The following KAZN variants were observed in gnomAD, a reference collection of about 807,000 sequenced individuals.
KAZN encodes kazrin.
A neutral mutation model predicts 87.4 loss-of-function variants in KAZN; 40 were observed. That is an observed-to-expected ratio of 0.46 (90% confidence interval 0.36 to 0.60). The LOEUF is 0.60. KAZN is among the 20% of genes least tolerant of loss of function. The probability of loss-of-function intolerance (pLI) is 0.00; values close to 1 mark genes in which losing one functional copy is unlikely to be tolerated. For synonymous variants in KAZN, 466 were observed against 458.3 expected (o/e 1.02, Z -0.22); for missense variants, 898 against 1,073.9 (o/e 0.84, Z 2.29).
Position 14,383,707 on chromosome 1 carries a change from T to C in KAZN, c.249+203115T>C, listed in dbSNP as rs188945869. Among the ~76,000 whole-genome samples the C allele has an allele frequency of 1.8e-3, 277 of 152,314 alleles. No individual in the cohort carries two copies. In the South Asian group the frequency reaches 0.02, roughly 11 times the overall value. On this transcript the variant is annotated intron_variant, in intron 2 of 16. Coordinates refer to the KAZN transcript ENST00000636203. ...TTTTGGTACCAGTACCATGCTGTTT[T>C]GGTTACTGTAGCCTTGTAGTATAGT...
chr1:14,168,717 G>C (rs145738971), intron 1 of KAZN, among the ~76,000 whole-genome samples: 1 of 152,306 alleles, frequency 6.6e-6, no homozygotes, highest in African/African-American at 2.4e-5. Flanking sequence ...GTCCAGCAGG[G>C]AGAACCAGAG....
intron 2 of KAZN, among the ~76,000 whole-genome samples, chr1:15,007,856 A>G (rs1254364190): frequency 1.3e-5 from 2 of 152,132 alleles, no homozygotes; most frequent in Non-Finnish European, 2.9e-5. Flanking sequence ...TTTTTTCCTG[A>G]TAGAGTTATC....
chr1:14,823,298 C>G (rs1017663400), intron 1 of KAZN, among the ~76,000 whole-genome samples: 1 of 151,924 alleles, frequency 6.6e-6, no homozygotes, highest in African/African-American at 2.4e-5. Flanking sequence ...GACAAACACG[C>G]GGCTTAGGGG....
chr1:14,343,842 C>T lies in KAZN; in HGVS notation c.249+163250C>T, dbSNP rs147281627. Among the ~76,000 whole-genome samples the T allele has an allele frequency of 4.8e-3, 726 of 152,288 alleles. 4 individuals carry two copies. The highest frequency in any genetic ancestry group is 0.016 in the African/African-American group (661 of 41,548). On this transcript the variant is annotated intron_variant, in intron 2 of 16. Transcript: ENST00000636203. ...GCAGCCTCTCTCCTTTCATTTCCTT[C>T]GGCAAACTCATCCAATTAAAAACAC... is the stretch of plus-strand genomic sequence containing the variant.
chr1:13,893,185 C>T (rs1454100069), exon 1 of KAZN: 8 of 152,340 alleles, frequency 5.3e-5, no homozygotes, highest in Admixed American at 5.2e-4. Context: ...GGGGCAGCCT[C>T]GCGCCCTGCC....
chr1:14,431,522 T>C (rs1006417257), intron 2 of KAZN, among the ~76,000 whole-genome samples: 1 of 152,174 alleles, frequency 6.6e-6, no homozygotes, highest in Non-Finnish European at 1.5e-5. Flanking sequence ...GTATTGTTTC[T>C]GGGTGTGTCT....
intron 1 of KAZN, among the ~76,000 whole-genome samples, chr1:14,875,714 C>A (rs1652694530): frequency 6.6e-6 from 1 of 152,128 alleles, no homozygotes; most frequent in Non-Finnish European, 1.5e-5. Flanking sequence ...AGTACGTACA[C>A]CATGGAAACT....
chr1:15,094,055 T>G lies in KAZN; in HGVS notation c.1223-125T>G. Reference sequence around the variant, plus strand: ...ACAAAAACGCCAAAAGCCACTTTGATTTTGAAGAGAATACATGGAGGGGAG... The same window carrying G: ...ACAAAAACGCCAAAAGCCACTTTGAGTTTGAAGAGAATACATGGAGGGGAG... On this transcript the variant is annotated intron_variant, in intron 8 of 14. Coordinates refer to ENST00000376030, the MANE Select transcript of KAZN (RefSeq NM_201628.3). The surrounding 1 kb of genome is among the most constrained non-coding windows in gnomAD (Gnocchi z 4.5). The G allele has an allele frequency of 1.3e-6, 1 of 766,766 alleles. No homozygotes were observed. The allele number at this position is 766,766 out of a possible 1,614,324, so 47.5% of individuals were successfully genotyped here.
chr1:14,814,217 TC>T (rs1646497784), intron 1 of KAZN, among the ~76,000 whole-genome samples: 1 of 150,768 alleles, frequency 6.6e-6, no homozygotes, highest in Non-Finnish European at 1.5e-5. Context: ...AAAGACTGGA[TC>T]TTTTTTATTA....
chr1:14,325,995 A>T (rs1656383984), intron 2 of KAZN, among the ~76,000 whole-genome samples: 1 of 152,100 alleles, frequency 6.6e-6, no homozygotes, highest in Non-Finnish European at 1.5e-5. Context: ...TCCACAGGTG[A>T]ATGCACCTGT....
intron 1 of KAZN, among the ~76,000 whole-genome samples, chr1:14,914,517 G>A (rs1657592894): frequency 6.6e-6 from 1 of 152,220 alleles, no homozygotes; most frequent in African/African-American, 2.4e-5. Context: ...TGAGGGAGAT[G>A]AGTTTCTCTA....
intron 1 of KAZN, chr1:14,929,717 G>A (rs967536097): frequency 1.1e-6 from 1 of 931,870 alleles, no homozygotes; most frequent in Non-Finnish European, 1.3e-6. Flanking sequence ...GTTATAAGGG[G>A]TGTGCGGGCG....
chr1:14,943,846 C>T (rs984182916), intron 1 of KAZN, among the ~76,000 whole-genome samples: 11 of 151,796 alleles, frequency 7.2e-5, no homozygotes, highest in East Asian at 5.8e-4. Flanking sequence ...CTGAGGCGGG[C>T]GGATCACCTG....
intron 2 of KAZN, among the ~76,000 whole-genome samples, chr1:14,460,250 C>T (rs1397311988): frequency 6.6e-6 from 1 of 152,240 alleles, no homozygotes; most frequent in Admixed American, 6.5e-5. Flanking sequence ...ACTTTTCTAA[C>T]CAACTCCATG....
intron 1 of KAZN, among the ~76,000 whole-genome samples, chr1:14,906,147 C>T (rs551655280): frequency 1.1e-4 from 17 of 150,484 alleles, no homozygotes; most frequent in African/African-American, 3.9e-4. Flanking sequence ...AACCTGGCCA[C>T]AGATCGAGAC....
At chr1:14,644,355 GTTTT>G (rs149320583) in intron 1 of KAZN, among the ~76,000 whole-genome samples, 1 of 136,498 alleles carries the variant, frequency 7.3e-6, no homozygotes, top group Admixed American at 7.3e-5. Flanking sequence ...TTGTAAATTT[GTTTT>G]TTTTTTTTTC....
chr1:14,076,877 C>T (rs535067605), intron 1 of KAZN, among the ~76,000 whole-genome samples: 2 of 152,268 alleles, frequency 1.3e-5, no homozygotes, highest in South Asian at 4.2e-4. Context: ...GTAGAATCAG[C>T]CCATGAATGG....
Position 14,852,518 on chromosome 1 carries a change from C to G in KAZN, c.227-108166C>G, listed in dbSNP as rs4661305. On this transcript the variant is annotated intron_variant, in intron 1 of 14. Coordinates refer to ENST00000376030, the MANE Select transcript of KAZN (RefSeq NM_201628.3). ...GCCCCCTCCCCACCTGCAGGCCCTGCCCCCTCCCTGCTTCTTCCCACTGTC... is the reference window on the plus strand; with the variant it reads ...GCCCCCTCCCCACCTGCAGGCCCTGGCCCCTCCCTGCTTCTTCCCACTGTC... Among the ~76,000 whole-genome samples the G allele has an allele frequency of 1.4e-3, 210 of 152,310 alleles. 3 individuals carry two copies. The East Asian group carries it at 0.031, about 22-fold the overall frequency.
At chr1:14,364,687 G>A (rs995616692) in intron 2 of KAZN, among the ~76,000 whole-genome samples, 2 of 152,172 alleles carry the variant, frequency 1.3e-5, no homozygotes, top group Admixed American at 1.3e-4. Flanking sequence ...TAAAACAACA[G>A]AAATTCATTC....
Sources: allele counts gnomAD v4.1 joint callset (sites outside exome capture counted in the v4.1 genomes callset), GRCh38; gene constraint gnomAD v4.1.1; non-coding constraint Gnocchi (gnomAD v3.1); transcripts MANE v1.5; gene names NCBI Gene and HGNC (gene_info 2026-07-23, HGNC 2026-07-21).